The following PCDH15 variants were observed in gnomAD, a reference collection of about 807,000 sequenced individuals.
PCDH15 encodes the protein protocadherin related 15.
A neutral mutation model predicts 178.5 loss-of-function variants in PCDH15; 129 were observed. That is an observed-to-expected ratio of 0.72 (90% CI 0.63 to 0.84). PCDH15 has a LOEUF of 0.84. Among genes scored for constraint, PCDH15 ranks in the 40% least tolerant of loss-of-function variants. The probability of loss-of-function intolerance (pLI) is 0.00; values close to 1 mark genes in which losing one functional copy is unlikely to be tolerated. For synonymous variants in PCDH15, 800 were observed against 732.0 expected, an observed-to-expected ratio of 1.09 and a Z score of -1.50; for missense variants, 2,230 against 2,099.9, an observed-to-expected ratio of 1.06 and a Z score of -1.21.
At chr10:54,898,236 C>T (rs1954579706) in intron 2 of PCDH15, among the ~76,000 whole-genome samples, 1 of 152,086 alleles carries the variant, frequency 6.6e-6, no homozygotes, top group Non-Finnish European at 1.5e-5. Context: ...TTCTTTATAG[C>T]AATGCAAGAA....
intron 31 of PCDH15, 104 bp from the exon 32 acceptor site, chr10:53,827,652 T>A: frequency 3.8e-6 from 5 of 1,328,832 alleles, no homozygotes; most frequent in Non-Finnish European, 5.3e-6. Context: ...GGGAACCCAC[T>A]AAAATTATTT....
intron 3 of PCDH15, among the ~76,000 whole-genome samples, chr10:54,857,453 CT>C (rs529128753): frequency 4.0e-5 from 6 of 151,642 alleles, no homozygotes; most frequent in African/African-American, 7.3e-5. Context: ...GATTTAAATA[CT>C]TTTTTTTGAC....
intron 21 of PCDH15, among the ~76,000 whole-genome samples, chr10:53,974,522 T>C (rs1006712304): frequency 2.0e-5 from 3 of 152,168 alleles, no homozygotes; most frequent in Non-Finnish European, 2.9e-5. Flanking sequence ...CATGCTCATA[T>C]GTTTTATTTC....
rs563477636 is a variant in PCDH15, at chr10:54,394,740, A to G, written c.158-15798T>C. Among the ~76,000 whole-genome samples the G allele has an allele frequency of 1.1e-3, 168 of 152,244 alleles. 1 individual carries two copies. The highest frequency in any genetic ancestry group is 3.8e-3 in the African/African-American group (159 of 41,572). On this transcript the variant is annotated intron_variant, in intron 3 of 37. Transcript: ENST00000644397. ...TCTTCCTAATAAGCCTGGGAGCGCT[A>G]TGGAAGACTGGGGTCTATTTCATCC...
At chr10:54,133,041 G>A (rs762058001) in intron 14 of PCDH15, 34 bp from the exon 15 acceptor site, 15 of 1,613,240 alleles carry the variant, frequency 9.3e-6, no homozygotes, top group South Asian at 5.5e-5. Flanking sequence ...AGATGGTTAC[G>A]AATCTGCATC....
chr10:54,403,351 A>C (rs1454301013), intron 3 of PCDH15, among the ~76,000 whole-genome samples: 1 of 152,044 alleles, frequency 6.6e-6, no homozygotes, highest in Non-Finnish European at 1.5e-5. Flanking sequence ...CCACATGATT[A>C]CATCAATAGA....
chr10:54,013,633 A>G (rs2135193746), intron 20 of PCDH15, among the ~76,000 whole-genome samples: 1 of 152,318 alleles, frequency 6.6e-6, no homozygotes, highest in South Asian at 2.1e-4. Context: ...TTACATGGAA[A>G]TTAACCACTT....
At chr10:55,198,763 G>T (rs927372665) in intron 1 of PCDH15, among the ~76,000 whole-genome samples, 3 of 151,684 alleles carry the variant, frequency 2.0e-5, no homozygotes, top group African/African-American at 7.3e-5. Flanking sequence ...GATTACAGGC[G>T]TGAGCCACCA....
chr10:54,485,121 T>A (rs1414735543), intron 3 of PCDH15, among the ~76,000 whole-genome samples: 1 of 151,790 alleles, frequency 6.6e-6, no homozygotes, highest in Non-Finnish European at 1.5e-5. Context: ...TTTTCTTCTT[T>A]TCCTCTCATA....
chr10:54,891,153 A>T (rs1954453772), intron 3 of PCDH15, among the ~76,000 whole-genome samples: 1 of 152,108 alleles, frequency 6.6e-6, no homozygotes, highest in Non-Finnish European at 1.5e-5. Context: ...GCAACTGAAA[A>T]TTAGGAGTTT....
At chr10:55,360,647 A>C (rs1845205292) in intron 2 of PCDH15, among the ~76,000 whole-genome samples, 1 of 151,998 alleles carries the variant, frequency 6.6e-6, no homozygotes, top group African/African-American at 2.4e-5. Context: ...GCAAATTAAA[A>C]CTACAATAGG....
intron 18 of PCDH15, among the ~76,000 whole-genome samples, chr10:54,025,954 A>C (rs2093073536): frequency 1.3e-5 from 2 of 152,156 alleles, no homozygotes; most frequent in African/African-American, 4.8e-5. Context: ...CCCTTGGACA[A>C]TCCAGGATAG....
intron 2 of PCDH15, among the ~76,000 whole-genome samples, chr10:54,939,221 G>A (rs959423574): frequency 2.0e-5 from 3 of 151,870 alleles, no homozygotes; most frequent in Non-Finnish European, 2.9e-5. Context: ...TAGGCCGGGC[G>A]TGGTGGCTCA....
At chr10:54,988,798 T>A (rs1839433324) in intron 2 of PCDH15, among the ~76,000 whole-genome samples, 1 of 152,190 alleles carries the variant, frequency 6.6e-6, no homozygotes, top group South Asian at 2.1e-4. Flanking sequence ...AATCCCATTT[T>A]CTAAGGAGAA....
At chr10:55,361,031 C>T (rs1588953269) in intron 2 of PCDH15, among the ~76,000 whole-genome samples, 1 of 151,988 alleles carries the variant, frequency 6.6e-6, no homozygotes, top group African/African-American at 2.4e-5. Context: ...TCTGAATGGA[C>T]CACAATTGCA....
Position 55,325,958 on chromosome 10 carries a change from TA to T in PCDH15, c.-155-159308del, listed in dbSNP as rs143139715. On this transcript the variant is annotated intron_variant, in intron 2 of 5. Transcript: ENST00000613346. ...AAGAGACACTTTTCAAAAGAAGACA[TA>T]CGTGCAGCCTACAAGTATATGAAAA... Among the ~76,000 whole-genome samples the T allele has an allele frequency of 9.8e-3, 1,492 of 152,054 alleles. 16 individuals are homozygous for T. Among genetic ancestry groups the T allele is most frequent in the African/African-American group, 0.032 (1,314 of 41,466 alleles).
At chr10:54,557,087 G>T (rs1198339990) in intron 2 of PCDH15, among the ~76,000 whole-genome samples, 1 of 152,036 alleles carries the variant, frequency 6.6e-6, no homozygotes, top group African/African-American at 2.4e-5. Flanking sequence ...GTGGCAAAAG[G>T]CTACTCACCT....
rs769704529 is a variant in PCDH15, at chr10:54,077,860, CGA to C, written c.2091+1469_2091+1470del. Among the ~76,000 whole-genome samples the C allele has an allele frequency of 4.2e-4, 64 of 152,222 alleles. 1 individual carries two copies. The highest frequency in any genetic ancestry group is 9.1e-4 in the Non-Finnish European group (62 of 68,004). ...GGTGGATCATCTGAGGTCAGGAGTT[CGA>C]GTCCAGCCTGGCCAACACGGTGAAA... On this transcript the variant is annotated intron_variant, in intron 17 of 37. Coordinates refer to ENST00000644397, the MANE Select transcript of PCDH15 (RefSeq NM_001384140.1).
chr10:54,739,446 A>G (rs1249769621), intron 1 of PCDH15, among the ~76,000 whole-genome samples: 1 of 150,974 alleles, frequency 6.6e-6, no homozygotes, highest in East Asian at 2.0e-4. Flanking sequence ...ATGGTAAGAT[A>G]CCTCATGTTT....
Sources: gnomAD v4.1 joint callset for allele counts (sites outside exome capture counted in the v4.1 genomes callset) on GRCh38, gnomAD v4.1.1 for gene constraint, MANE v1.5 for transcripts, NCBI Gene and HGNC (gene_info 2026-07-23, HGNC 2026-07-21) for gene names.